The following ERG28 variants were observed in gnomAD, a reference collection of about 807,000 sequenced individuals.
ERG28 encodes ergosterol biosynthetic protein 28 homolog.
A neutral mutation model predicts 15.7 loss-of-function variants in ERG28; 9 were observed. The observed-to-expected ratio is 0.57, with a 90% CI of 0.35 to 1.00. The LOEUF (loss-of-function observed/expected upper bound fraction) is 1.00, where lower values mean the gene tolerates loss of function less well. Among genes scored for constraint, ERG28 ranks in the 50% least tolerant of loss-of-function variants. The pLI is 0.02. For synonymous variants in ERG28, 61 were observed against 68.4 expected (o/e 0.89, Z 0.53); for missense variants, 117 against 173.3 (o/e 0.68, Z 1.82).
intron 1 of ERG28, among the ~76,000 whole-genome samples, chr14:75,660,164 T>C (rs1890664347): frequency 1.3e-5 from 2 of 152,246 alleles, no homozygotes; most frequent in Admixed American, 6.5e-5. Flanking sequence ...AGAAGTGTTA[T>C]CTGTTAGAAA....
chr14:75,657,288 T>C, intron 2 of ERG28, 82 bp downstream of exon 2: 3 of 1,504,906 alleles, frequency 2.0e-6, no homozygotes, highest in Non-Finnish European at 2.7e-6. Context: ...GTTACTCTGA[T>C]GTACAGCCTG....
intron 3 of ERG28, among the ~76,000 whole-genome samples, chr14:75,653,587 G>A (rs1317442864): frequency 6.7e-6 from 1 of 150,202 alleles, no homozygotes; most frequent in Non-Finnish European, 1.5e-5. Flanking sequence ...CAGCTTGGGT[G>A]ACAGAGCAAG....
At chr14:75,653,610 A>G (rs1388154013) in intron 3 of ERG28, among the ~76,000 whole-genome samples, 2 of 151,694 alleles carry the variant, frequency 1.3e-5, no homozygotes, top group Non-Finnish European at 2.9e-5. Flanking sequence ...TGTCTCAGAA[A>G]AAAAAAAAAA....
At chr14:75,656,796 A>G (rs1175711901) in intron 2 of ERG28, among the ~76,000 whole-genome samples, 1 of 152,162 alleles carries the variant, frequency 6.6e-6, no homozygotes, top group East Asian at 1.9e-4. Context: ...TGGGAGACCA[A>G]CTTGAAGGGA....
In ERG28 at chr14:75,651,682, T is replaced by G. The variant is rs1227336319; in HGVS notation, c.344-48A>C. 1.9e-6 allele frequency: 3 copies of G among 1,595,074 alleles called. No individual in the cohort carries two copies. In the African/African-American group the frequency reaches 4.0e-5, roughly 21 times the overall value. ...GTGACTAACATACATACGGTACCTTTCTTCTCTCTCTCTCCTGTGTCCACC... is the reference window on the plus strand; with the variant it reads ...GTGACTAACATACATACGGTACCTTGCTTCTCTCTCTCTCCTGTGTCCACC... On this transcript the variant is annotated intron_variant, in intron 4 of 4. Transcript: ENST00000256319.
rs947444759 is a variant in ERG28 at position 75,649,832 on chromosome 14, A to G, written c.*1723T>C. ...ACCATGCTGTGATTACATAGTTCTT[A>G]TTCCTTGAATAAGACTATTCTACCT... On this transcript the variant is annotated 3_prime_UTR_variant, in exon 5 of 5. Transcript: ENST00000256319. The G allele has an allele frequency of 3.9e-5, 6 of 152,130 alleles. No individual in the cohort carries two copies. Among genetic ancestry groups the G allele is most frequent in the Non-Finnish European group, 8.8e-5 (6 of 68,034 alleles). The allele number at this position is 152,130 out of a possible 1,614,324, so 9.4% of individuals were successfully genotyped here.
At position 75,651,748 on chromosome 14, in the gene ERG28, G is replaced by A. The variant is rs199726083; in HGVS notation, c.343+23C>T. On this transcript the variant is annotated intron_variant, in intron 4 of 4. Coordinates refer to ENST00000256319, the MANE Select transcript of ERG28 (RefSeq NM_007176.4). ...AGAGCTGGCACAGCTCCTGTAGGAG[G>A]TCTAGGGTGGTTGGATGCTTACTTG... The A allele has an allele frequency of 1.4e-5, 22 of 1,599,530 alleles. No individual in the cohort carries two copies. In the African/African-American group the frequency reaches 2.7e-4, roughly 19 times the overall value.
rs143031565 is a variant in ERG28, at chr14:75,660,079, G to A, written c.-32+696C>T. Among the ~76,000 whole-genome samples, 162 of 152,270 alleles carry A rather than the reference G, an allele frequency of 1.1e-3. 1 individual carries two copies. Among genetic ancestry groups the A allele is most frequent in the African/African-American group, 3.7e-3 (152 of 41,542 alleles). ...ATTTTCTCACTCTCTCTCAAGAGGA[G>A]ACTCCTCCGGGGTTTAGAAAAGCTG... is the stretch of plus-strand genomic sequence containing the variant. On this transcript the variant is annotated intron_variant, in intron 1 of 4. Transcript: ENST00000256319.
chr14:75,652,273 C>G (rs968303970), intron 3 of ERG28, among the ~76,000 whole-genome samples: 1 of 152,248 alleles, frequency 6.6e-6, no homozygotes, highest in African/African-American at 2.4e-5. Context: ...TCTAATCCCA[C>G]CTGGCAGGCA....
In ERG28 at chr14:75,651,532, T is replaced by A. The variant is rs1303267940; in HGVS notation, c.*23A>T. The A allele has an allele frequency of 6.3e-7, 1 of 1,594,318 alleles. No homozygotes were observed. The highest frequency in any genetic ancestry group is 8.6e-7 in the Non-Finnish European group (1 of 1,163,556). On this transcript the variant is annotated 3_prime_UTR_variant, in exon 5 of 5. Coordinates refer to ENST00000256319, the MANE Select transcript of ERG28 (RefSeq NM_007176.4). ...ATGGCCAAGGTGGAAAACGAGAAAG[T>A]CCTGGAGGTGATAATGCTGGCCTCA... is the stretch of plus-strand genomic sequence containing the variant.
intron 4 of ERG28, 26 bp downstream of exon 4, chr14:75,651,742 TAGG>T: frequency 2.5e-6 from 4 of 1,595,876 alleles, no homozygotes; most frequent in Middle Eastern, 1.7e-4. Context: ...ACAGCTCCTG[TAGG>T]AGGTCTAGGG....
In ERG28 at chr14:75,654,397, A is replaced by G. The variant is rs148160553; in HGVS notation, c.224+489T>C. Among the ~76,000 whole-genome samples, 308 of 152,296 alleles carry G rather than the reference A, an allele frequency of 2.0e-3. 1 individual carries two copies. Among genetic ancestry groups the G allele is most frequent in the Middle Eastern group, 3.4e-3 (1 of 294 alleles). On this transcript the variant is annotated intron_variant, in intron 3 of 4. Coordinates refer to ENST00000256319, the MANE Select transcript of ERG28 (RefSeq NM_007176.4). The stretch of plus-strand genomic sequence containing the variant: ...CCTGGTCTGTTTGAGTACCCAAGAC[A>G]GGTAGATTCAGGAGCCCTAGCTTCT...
intron 3 of ERG28, among the ~76,000 whole-genome samples, chr14:75,653,794 T>C (rs1002297213): frequency 6.6e-6 from 1 of 152,128 alleles, no homozygotes; most frequent in African/African-American, 2.4e-5. Context: ...TCTCATTTTA[T>C]GGATGAAGAG....
At chr14:75,652,103 A>G (rs565055742) in intron 3 of ERG28, among the ~76,000 whole-genome samples, 1 of 152,364 alleles carries the variant, frequency 6.6e-6, no homozygotes, top group South Asian at 2.1e-4. Flanking sequence ...CTGAGAGGAG[A>G]ATGGTTCAGG....
Position 75,657,641 on chromosome 14 carries a change from C to G in ERG28, c.-31-108G>C, listed in dbSNP as rs533300450. The G allele has an allele frequency of 4.3e-5, 41 of 955,632 alleles. No individual in the cohort carries two copies. In the South Asian group the frequency reaches 6.6e-4, roughly 15 times the overall value. The allele number at this position is 955,632 out of a possible 1,614,324, so 59.2% of individuals were successfully genotyped here. A position where few individuals can be genotyped will look rare whatever the true frequency, so the allele number is the denominator to read the frequency against. ...GGCCAAAAAAAGAAATTCAGTCACA[C>G]TAATAGTGGTGAATGAACAGTATAC... is the stretch of plus-strand genomic sequence containing the variant. On this transcript the variant is annotated intron_variant, in intron 1 of 4. Coordinates refer to ENST00000256319, the MANE Select transcript of ERG28 (RefSeq NM_007176.4).
intron 1 of ERG28, among the ~76,000 whole-genome samples, chr14:75,659,873 CCCCG>C (rs1322778102): frequency 6.6e-6 from 1 of 151,904 alleles, no homozygotes; most frequent in Non-Finnish European, 1.5e-5. Context: ...CGCCGCCCCC[CCCCG>C]CCAACTCCCC....
chr14:75,660,555 C>A (rs1187876899), intron 1 of ERG28, among the ~76,000 whole-genome samples: 1 of 152,186 alleles, frequency 6.6e-6, no homozygotes. Flanking sequence ...ATAGTGGCTG[C>A]TCATTCGCTC....
Position 75,657,449 on chromosome 14 carries a change from T to G in ERG28, c.54A>C (p.Ile18=). Residue 18 remains isoleucine (I), a synonymous_variant, in exon 2 of 5, where the codon ATA becomes ATC. Transcript: ENST00000256319. ...LRSWLVMVSI[I]AMGNTLQSFR... ...AGCTCTGCAGCGTGTTCCCCATGGC[T>G]ATGATGGACACCATAACCAGCCAAC... 1 of 1,614,156 alleles carries G rather than the reference T, an allele frequency of 6.2e-7. No homozygotes were observed. Among genetic ancestry groups the G allele is most frequent in the East Asian group, 2.2e-5 (1 of 44,888 alleles).
rs1357366771 is a variant in ERG28 at position 75,650,751 on chromosome 14, C to G, written c.*804G>C. 1 of 152,420 alleles carries G rather than the reference C, an allele frequency of 6.6e-6. No homozygotes were observed. The highest frequency in any genetic ancestry group is 1.5e-5 in the Non-Finnish European group (1 of 68,060). 9.4% of individuals were successfully genotyped at this position (152,420 alleles called of 1,614,324 possible). A position where few individuals can be genotyped will look rare whatever the true frequency, so the allele number is the denominator to read the frequency against. ...GAATGAGCAAATGACAGTAAGGAGC[C>G]GGAGGCAGCCAGGCTGACCTGTGTC... is the stretch of plus-strand genomic sequence containing the variant. On this transcript the variant is annotated 3_prime_UTR_variant, in exon 5 of 5. Coordinates refer to ENST00000256319, the MANE Select transcript of ERG28 (RefSeq NM_007176.4).
Sources: allele counts gnomAD v4.1 joint callset (sites outside exome capture counted in the v4.1 genomes callset), GRCh38; gene constraint gnomAD v4.1.1; transcripts MANE v1.5; gene names NCBI Gene and HGNC (gene_info 2026-07-23, HGNC 2026-07-21).